The following KLHL32 variants were observed in gnomAD, a reference collection of about 807,000 sequenced individuals.
KLHL32 encodes the protein kelch-like protein 32.
A neutral mutation model predicts 64.8 loss-of-function variants in KLHL32; 35 were observed. The observed-to-expected ratio is 0.54, with a 90% confidence interval of 0.41 to 0.72. The LOEUF (loss-of-function observed/expected upper bound fraction) is 0.72. KLHL32 is among the 30% of genes least tolerant of loss of function. The pLI, the probability that KLHL32 is intolerant of heterozygous loss-of-function variation, is 0.00. For synonymous variants in KLHL32, 259 were observed against 281.0 expected (o/e 0.92, Z 0.78); for missense variants, 589 against 768.5 (o/e 0.77, Z 2.76).
chr6:97,000,064 T>C (rs1370445093), intron 3 of KLHL32, among the ~76,000 whole-genome samples: 3 of 152,040 alleles, frequency 2.0e-5, no homozygotes, highest in African/African-American at 4.8e-5. Context: ...AGATGGCCAA[T>C]GGGACAAAGA....
rs112384004 is a variant in KLHL32 at position 96,956,722 on chromosome 6, GA to G, written c.-65-10268del. ...GCTGAGCCTCTCCTTTTTCTTCTGG[GA>G]AAAAAGCTCATTTAATTCTTATAAT... On this transcript the variant is annotated intron_variant, in intron 1 of 10. Coordinates refer to ENST00000369261, the MANE Select transcript of KLHL32 (RefSeq NM_052904.4). Among the ~76,000 whole-genome samples the G allele has an allele frequency of 5.3e-5, 8 of 152,142 alleles. No homozygotes were observed. In the East Asian group the frequency reaches 5.8e-4, roughly 11 times the overall value.
the KLHL32 span, among the ~76,000 whole-genome samples, chr6:96,898,882 G>A: frequency 6.6e-6 from 1 of 152,170 alleles, no homozygotes; most frequent in Non-Finnish European, 1.5e-5. Context: ...TCTTACTGTG[G>A]CTGCAAAATC....
intron 4 of KLHL32, among the ~76,000 whole-genome samples, chr6:97,055,294 A>T (rs1023494565): frequency 2.0e-5 from 3 of 152,150 alleles, no homozygotes; most frequent in African/African-American, 7.2e-5. Context: ...CTTACCATCA[A>T]ATTCTCAACC....
chr6:97,132,533 A>G, intron 9 of KLHL32, 120 bp from the exon 10 acceptor site: 1 of 688,664 alleles, frequency 1.5e-6, no homozygotes, highest in Non-Finnish European at 2.5e-6. Context: ...TGCTGCAAAA[A>G]TCCCATGGAG....
chr6:97,064,395 A>G (rs768590665), intron 4 of KLHL32, among the ~76,000 whole-genome samples: 18 of 152,250 alleles, frequency 1.2e-4, no homozygotes, highest in Non-Finnish European at 2.2e-4. Flanking sequence ...CTTCACACAC[A>G]CAAATGGTAT....
chr6:97,135,725 T>TAATG (rs1167793430), intron 10 of KLHL32, among the ~76,000 whole-genome samples: 2 of 152,236 alleles, frequency 1.3e-5, no homozygotes, highest in African/African-American at 4.8e-5. Context: ...TCATTTTAGT[T>TAATG]AATGACAGCT....
chr6:96,988,503 G>T (rs1777409396), intron 3 of KLHL32, among the ~76,000 whole-genome samples: 1 of 152,132 alleles, frequency 6.6e-6, no homozygotes, highest in African/African-American at 2.4e-5. Flanking sequence ...TACACTGTTG[G>T]TGGGACTGTA....
upstream of KLHL32, among the ~76,000 whole-genome samples, chr6:96,920,548 T>C (rs1418577393): frequency 6.6e-6 from 1 of 151,806 alleles, no homozygotes; most frequent in Non-Finnish European, 1.5e-5. Context: ...CCTGAGCCAG[T>C]AAAATGGAAA....
chr6:96,911,658 A>C, the KLHL32 span, among the ~76,000 whole-genome samples: 1 of 152,072 alleles, frequency 6.6e-6, no homozygotes, highest in Admixed American at 6.6e-5. Flanking sequence ...GATTTCTACC[A>C]CTTTAAAGAA....
intron 5 of KLHL32, among the ~76,000 whole-genome samples, chr6:97,072,855 AC>A (rs1201245694): frequency 6.6e-6 from 1 of 152,108 alleles, no homozygotes; most frequent in Non-Finnish European, 1.5e-5. Flanking sequence ...GTGTTAATTT[AC>A]TTATCTGTCT....
chr6:97,039,102 A>AG (rs1784732698), intron 3 of KLHL32, among the ~76,000 whole-genome samples: 1 of 151,660 alleles, frequency 6.6e-6, no homozygotes, highest in Admixed American at 6.6e-5. Context: ...AAAAAAAAAA[A>AG]AAAGAAAAAA....
At chr6:97,067,242 C>G (rs948584667) in intron 5 of KLHL32, among the ~76,000 whole-genome samples, 6 of 152,174 alleles carry the variant, frequency 3.9e-5, no homozygotes, top group Non-Finnish European at 8.8e-5. Flanking sequence ...GAAAGGGATA[C>G]CTGGCACTGT....
intron 1 of KLHL32, among the ~76,000 whole-genome samples, chr6:96,943,337 C>A (rs1771551912): frequency 1.3e-5 from 2 of 150,016 alleles, no homozygotes; most frequent in Admixed American, 1.3e-4. Flanking sequence ...GTCATTCACA[C>A]AAGACCTGTG....
intron 6 of KLHL32, among the ~76,000 whole-genome samples, chr6:97,093,554 C>G (rs1018692381): frequency 6.6e-6 from 1 of 152,214 alleles, no homozygotes; most frequent in South Asian, 2.1e-4. Flanking sequence ...ATATATTACT[C>G]TGTAATGAGT....
the KLHL32 span, among the ~76,000 whole-genome samples, chr6:96,917,736 G>T: frequency 6.6e-6 from 1 of 152,136 alleles, no homozygotes; most frequent in African/African-American, 2.4e-5. Context: ...GGGCTTAAGA[G>T]ACTTCAGGGA....
chr6:96,999,609 T>A (rs1017757478), intron 3 of KLHL32: 2 of 664,122 alleles, frequency 3.0e-6, no homozygotes, highest in African/African-American at 3.9e-5. Context: ...ATGACAACTT[T>A]ATTTTTCTCT....
intron 4 of KLHL32, among the ~76,000 whole-genome samples, chr6:97,046,623 G>A (rs1196954809): frequency 6.6e-6 from 1 of 152,118 alleles, no homozygotes; most frequent in African/African-American, 2.4e-5. Flanking sequence ...GTTTGGTTCT[G>A]AAACATCTTT....
chr6:96,957,147 G>T (rs1773369394), intron 1 of KLHL32, among the ~76,000 whole-genome samples: 1 of 152,110 alleles, frequency 6.6e-6, no homozygotes, highest in African/African-American at 2.4e-5. Context: ...AATGATTAAT[G>T]GAAATGTATT....
chr6:97,088,743 T>G (rs1793794393), intron 6 of KLHL32, among the ~76,000 whole-genome samples: 1 of 152,212 alleles, frequency 6.6e-6, no homozygotes, highest in Non-Finnish European at 1.5e-5. Context: ...AAAATATTTT[T>G]AAATAAATAA....
Sources: allele counts gnomAD v4.1 joint callset (sites outside exome capture counted in the v4.1 genomes callset), GRCh38; gene constraint gnomAD v4.1.1; transcripts MANE v1.5; gene names NCBI Gene and HGNC (gene_info 2026-07-23, HGNC 2026-07-21).